Variants in CNTLN observed in about 807,000 individuals in gnomAD.
CNTLN encodes centlein.
Under a neutral mutation model 180.0 loss-of-function variants are expected in CNTLN, and 212 were observed. The ratio of observed to expected loss-of-function variants is 1.18; its 90% CI spans 1.05 to 1.32. The LOEUF is 1.32. CNTLN is among the 40% of genes most tolerant of loss of function. CNTLN has a pLI of 0.00. For synonymous variants in CNTLN, 722 were observed against 563.1 expected, an observed-to-expected ratio of 1.28 and a Z score of -3.99; for missense variants, 2,095 against 1,610.9, an observed-to-expected ratio of 1.30 and a Z score of -5.14.
intron 12 of CNTLN, among the ~76,000 whole-genome samples, chr9:17,356,971 A>G (rs1822898814): frequency 6.6e-6 from 1 of 152,012 alleles, no homozygotes; most frequent in Non-Finnish European, 1.5e-5. Context: ...GTAGGTGAGA[A>G]TGTATTATGA....
intron 13 of CNTLN, among the ~76,000 whole-genome samples, chr9:17,376,475 G>C (rs1383480005): frequency 1.4e-5 from 2 of 144,016 alleles, no homozygotes; most frequent in Admixed American, 1.4e-4. Flanking sequence ...TTTTTGAGAC[G>C]GAGTCTCGCT....
intron 25 of CNTLN, among the ~76,000 whole-genome samples, chr9:17,500,358 G>T (rs1241553397): frequency 1.3e-5 from 2 of 152,148 alleles, no homozygotes; most frequent in Non-Finnish European, 2.9e-5. Flanking sequence ...GTTGAAAATT[G>T]TTCAGATTAC....
chr9:17,135,095 C>A lies in CNTLN; in HGVS notation c.30C>A (p.His10Gln), dbSNP rs377494800. The A allele has an allele frequency of 6.2e-7, 1 of 1,604,400 alleles. No homozygotes were observed. The highest frequency in any genetic ancestry group is 8.5e-7 in the Non-Finnish European group (1 of 1,177,720). MAARSPPSP[H>Q]PSPPARQLGP... ...CGGCGCGTTCGCCTCCCTCACCGCA[C>A]CCTTCGCCCCCAGCGCGACAGCTGG... is the stretch of plus-strand genomic sequence containing the variant. Residue 10 changes from histidine (H) to glutamine (Q), a missense_variant, in exon 1 of 26, where the codon CAC becomes CAA. By Grantham distance (24) the His-to-Gln change is conservative. Coordinates refer to ENST00000380647, the MANE Select transcript of CNTLN (RefSeq NM_017738.4).
At chr9:17,439,702 C>T (rs957634146) in intron 18 of CNTLN, among the ~76,000 whole-genome samples, 8 of 152,172 alleles carry the variant, frequency 5.3e-5, no homozygotes, top group Non-Finnish European at 1.0e-4. Context: ...TAATTCATAA[C>T]CCCCAATGTG....
Position 17,394,716 on chromosome 9 carries a change from A to C in CNTLN, c.2262A>C (p.Glu754Asp). The change falls in exon 15 of 26, where the codon GAA becomes GAC. Residue 754 changes from glutamate to aspartate, a missense_variant. Physicochemically the swap from Glu to Asp is conservative, Grantham distance 45. Transcript: ENST00000380647. The part of the protein sequence containing the change: ...EQIIKGSKDV[E>D]KENTELQVKI... ...TAATAAAGGGGAGTAAAGATGTAGA[A>C]AAAGAAAATACTGAACTTCAAGTAA... 6.2e-7 allele frequency: 1 copy of C among 1,614,062 alleles called. No individual in the cohort carries two copies. Among genetic ancestry groups the C allele is most frequent in the Non-Finnish European group, 8.5e-7 (1 of 1,179,994 alleles).
At chr9:17,140,143 G>C (rs1181434254) in intron 1 of CNTLN, among the ~76,000 whole-genome samples, 2 of 152,060 alleles carry the variant, frequency 1.3e-5, no homozygotes, top group African/African-American at 4.8e-5. Context: ...TTCGGGGGGG[G>C]ACTTTATTTT....
intron 3 of CNTLN, among the ~76,000 whole-genome samples, chr9:17,227,454 G>T (rs757123166): frequency 6.6e-6 from 1 of 152,016 alleles, no homozygotes; most frequent in Non-Finnish European, 1.5e-5. Context: ...AGAAATTTAA[G>T]AGTGGCTAAT....
At position 17,261,426 on chromosome 9, in the gene CNTLN, T is replaced by A. The variant is rs545332411; in HGVS notation, c.850-12307T>A. Among the ~76,000 whole-genome samples, 771 of 151,566 alleles carry A rather than the reference T, an allele frequency of 5.1e-3. 5 individuals are homozygous for A. The highest frequency in any genetic ancestry group is 8.0e-3 in the Admixed American group (122 of 15,228). ...ATGTACTCCTGGGTATTTTGTTATTTTTTGTGGCTATTGTAAATGGGATTG... is the reference window on the plus strand; with the variant it reads ...ATGTACTCCTGGGTATTTTGTTATTATTTGTGGCTATTGTAAATGGGATTG... On this transcript the variant is annotated intron_variant, in intron 5 of 25. Coordinates refer to ENST00000380647, the MANE Select transcript of CNTLN (RefSeq NM_017738.4).
chr9:17,228,862 C>CA (rs1824641756), intron 3 of CNTLN, among the ~76,000 whole-genome samples: 1 of 151,910 alleles, frequency 6.6e-6, no homozygotes, highest in Non-Finnish European at 1.5e-5. Context: ...GCGTTATTAT[C>CA]AAAAATAGGC....
chr9:17,237,694 G>C (rs1475652820), intron 5 of CNTLN, among the ~76,000 whole-genome samples: 1 of 151,910 alleles, frequency 6.6e-6, no homozygotes, highest in Non-Finnish European at 1.5e-5. Context: ...GGAGACCCCT[G>C]GCTGGGTTCA....
intron 16 of CNTLN, 89 bp downstream of exon 16, chr9:17,409,562 T>C (rs1272251726): frequency 5.4e-6 from 5 of 922,280 alleles, no homozygotes; most frequent in Non-Finnish European, 8.0e-6. Context: ...TTACTACTGA[T>C]TTAATTTGAA....
At chr9:17,233,770 G>A (rs1824958421) in intron 3 of CNTLN, among the ~76,000 whole-genome samples, 1 of 152,092 alleles carries the variant, frequency 6.6e-6, no homozygotes, top group Admixed American at 6.6e-5. Context: ...CATATGTTGA[G>A]CAAAAATAGC....
At chr9:17,204,353 G>T (rs1049731167) in intron 2 of CNTLN, among the ~76,000 whole-genome samples, 3 of 152,000 alleles carry the variant, frequency 2.0e-5, no homozygotes, top group African/African-American at 7.2e-5. Context: ...TTGTTTGTTA[G>T]TTTTTTTGTT....
intron 13 of CNTLN, among the ~76,000 whole-genome samples, chr9:17,375,723 A>C (rs186691182): frequency 6.6e-6 from 1 of 152,256 alleles, no homozygotes; most frequent in Non-Finnish European, 1.5e-5. Context: ...TCCTGGAATC[A>C]AAATCTTAGA....
intron 8 of CNTLN, among the ~76,000 whole-genome samples, chr9:17,312,343 T>TATATATATATATATATATATATATA (rs1819192993): frequency 3.3e-5 from 1 of 30,372 alleles, no homozygotes; most frequent in Non-Finnish European, 8.3e-5. Flanking sequence ...ATTACTGTAT[T>TATATATATATATATATATATATATA]TATATATATA....
intron 16 of CNTLN, among the ~76,000 whole-genome samples, chr9:17,415,072 C>T (rs1828123935): frequency 1.3e-5 from 2 of 151,500 alleles, no homozygotes; most frequent in African/African-American, 2.4e-5. Flanking sequence ...AGTGACAAAG[C>T]CAAACTCTGT....
At chr9:17,203,356 A>G (rs1190736927) in intron 2 of CNTLN, among the ~76,000 whole-genome samples, 1 of 151,772 alleles carries the variant, frequency 6.6e-6, no homozygotes, top group African/African-American at 2.4e-5. Context: ...GGTGTTCTCT[A>G]TTTCCTGAAT....
At chr9:17,239,104 C>A (rs1294608820) in intron 5 of CNTLN, among the ~76,000 whole-genome samples, 1 of 152,144 alleles carries the variant, frequency 6.6e-6, no homozygotes, top group Non-Finnish European at 1.5e-5. Context: ...GTGGTGTGAT[C>A]TCAGCTCACT....
chr9:17,362,922 T>C (rs1195708022), intron 12 of CNTLN, among the ~76,000 whole-genome samples: 3 of 152,108 alleles, frequency 2.0e-5, no homozygotes, highest in Non-Finnish European at 4.4e-5. Context: ...CAGTGTGTGA[T>C]GTTTCCCTCT....
Sources: allele counts gnomAD v4.1 joint callset (sites outside exome capture counted in the v4.1 genomes callset), GRCh38; gene constraint gnomAD v4.1.1; transcripts MANE v1.5; gene names NCBI Gene and HGNC (gene_info 2026-07-23, HGNC 2026-07-21).